The following FRAS1 variants were observed in gnomAD, a reference collection of about 807,000 sequenced individuals.
FRAS1 encodes the protein Fraser extracellular matrix complex subunit 1.
FRAS1 carries 290 observed loss-of-function variants against 435.2 expected under a neutral mutation model. The ratio of observed to expected loss-of-function variants is 0.67; its 90% CI spans 0.61 to 0.73. The LOEUF (loss-of-function observed/expected upper bound fraction) is 0.73. Among genes scored for constraint, FRAS1 ranks in the 30% least tolerant of loss-of-function variants. The pLI is 0.00. For synonymous variants in FRAS1, 1,800 were observed against 1,851.0 expected, an observed-to-expected ratio of 0.97 and a Z score of 0.71; for missense variants, 4,860 against 5,001.5, an observed-to-expected ratio of 0.97 and a Z score of 0.85.
intron 6 of FRAS1, among the ~76,000 whole-genome samples, chr4:78,261,778 T>C (rs2110147554): frequency 6.6e-6 from 1 of 152,310 alleles, no homozygotes; most frequent in African/African-American, 2.4e-5. Flanking sequence ...AAAAAAACAC[T>C]CAGGTTTAAG....
chr4:78,244,767 T>C (rs534460693), intron 3 of FRAS1, among the ~76,000 whole-genome samples: 49 of 152,328 alleles, frequency 3.2e-4, no homozygotes, highest in Non-Finnish European at 6.6e-4. Flanking sequence ...CTCAGAACTT[T>C]GTCCTGCAAC....
At chr4:78,210,026 G>C (rs2110083917) in intron 2 of FRAS1, among the ~76,000 whole-genome samples, 1 of 152,218 alleles carries the variant, frequency 6.6e-6, no homozygotes, top group Non-Finnish European at 1.5e-5. Context: ...AGCCTCTGCT[G>C]AGCTCCTTAC....
chr4:78,345,948 G>A (rs925531285), intron 20 of FRAS1, among the ~76,000 whole-genome samples: 1 of 152,040 alleles, frequency 6.6e-6, no homozygotes, highest in Non-Finnish European at 1.5e-5. Flanking sequence ...AATGAGAGAA[G>A]GACCTTACTT....
In FRAS1 at chr4:78,469,988, C is replaced by G; in HGVS notation, c.7268C>G (p.Ala2423Gly). 6.2e-7 allele frequency: 1 copy of G among 1,613,008 alleles called. No individual in the cohort carries two copies. The highest frequency in any genetic ancestry group is 8.5e-7 in the Non-Finnish European group (1 of 1,179,282). The change falls in exon 51 of 74, where the codon GCA becomes GGA. Residue 2423 changes from alanine to glycine, a missense_variant. By Grantham distance (60) the Ala-to-Gly change is moderately conservative (BLOSUM62 0). Transcript: ENST00000512123. ...IEEGGKEIMT[A>G]APQPFRVDIL... ...TGCCCTCCCCTTCAGATTATGACAG[C>G]AGCACCTCAGCCGTTCCGAGTAGAC...
intron 61 of FRAS1, among the ~76,000 whole-genome samples, chr4:78,500,486 A>C (rs1278933539): frequency 6.6e-6 from 1 of 152,200 alleles, no homozygotes; most frequent in East Asian, 1.9e-4. Context: ...TTTAAGTATT[A>C]ATCTGATGGG....
intron 2 of FRAS1, among the ~76,000 whole-genome samples, chr4:78,082,331 C>T (rs889717730): frequency 6.6e-6 from 1 of 152,000 alleles, no homozygotes; most frequent in Non-Finnish European, 1.5e-5. Context: ...ACTGATCACC[C>T]TATTATACTT....
rs756773992 is a variant in FRAS1 at position 78,511,531 on chromosome 4, A to G, written c.10013+25A>G. The G allele has an allele frequency of 8.5e-6, 13 of 1,520,838 alleles. No individual in the cohort carries two copies. The East Asian group carries it at 3.0e-4, about 35-fold the overall frequency. The allele number at this position is 1,520,838 out of a possible 1,614,324, so 94.2% of individuals were successfully genotyped here. ...GGTCAGGCAGGTGGTGCCTTCCACC[A>G]CACATAGATTGAAGTGAATCTCAGG... On this transcript the variant is annotated intron_variant, in intron 64 of 73. Coordinates refer to ENST00000512123, the MANE Select transcript of FRAS1 (RefSeq NM_025074.7).
chr4:78,474,200 C>T (rs1719796254), intron 53 of FRAS1, among the ~76,000 whole-genome samples: 1 of 152,152 alleles, frequency 6.6e-6, no homozygotes, highest in Non-Finnish European at 1.5e-5. Context: ...TTAATGTGGA[C>T]AGCCCTTTAA....
chr4:78,132,157 G>C (rs879438016), intron 2 of FRAS1, among the ~76,000 whole-genome samples: 65 of 152,046 alleles, frequency 4.3e-4, no homozygotes, highest in Non-Finnish European at 4.6e-4. Flanking sequence ...TTTTTGCCAG[G>C]AACCTGGTTC....
intron 2 of FRAS1, among the ~76,000 whole-genome samples, chr4:78,178,024 G>T (rs1721846985): frequency 1.3e-5 from 2 of 152,140 alleles, no homozygotes; most frequent in African/African-American, 4.8e-5. Flanking sequence ...TGAAATCAAG[G>T]TGTTGTCAAG....
At chr4:78,406,911 G>A (rs545773144) in intron 30 of FRAS1, among the ~76,000 whole-genome samples, 4 of 152,258 alleles carry the variant, frequency 2.6e-5, no homozygotes, top group Middle Eastern at 3.4e-3. Context: ...AACGTTGAAA[G>A]CACTGACATG....
intron 2 of FRAS1, among the ~76,000 whole-genome samples, chr4:78,131,307 A>G (rs1363196814): frequency 2.6e-5 from 4 of 152,206 alleles, no homozygotes; most frequent in Non-Finnish European, 5.9e-5. Context: ...TATTTGATCC[A>G]GGCAGGCACA....
chr4:78,432,387 A>G lies in FRAS1; in HGVS notation c.5000A>G (p.Lys1667Arg). 6.2e-7 allele frequency: 1 copy of G among 1,604,388 alleles called. No homozygotes were observed. Among genetic ancestry groups the G allele is most frequent in the Non-Finnish European group, 8.5e-7 (1 of 1,174,940 alleles). Residue 1667 changes from lysine to arginine, a missense_variant, in exon 38 of 74, where the codon AAA (lysine) becomes AGA (arginine). By Grantham distance (26) the Lys-to-Arg change is conservative. Coordinates refer to ENST00000512123, the MANE Select transcript of FRAS1 (RefSeq NM_025074.7). Reference sequence around the variant, plus strand: ...ACTTTCACCTATGAGGATGTTGAGAAAAATGCTCTACAGTATATACATGAT... The same window carrying G: ...ACTTTCACCTATGAGGATGTTGAGAGAAATGCTCTACAGTATATACATGAT... ...GDTFTYEDVEKNALQYIHDGS... is the reference protein window; with the variant it reads ...GDTFTYEDVERNALQYIHDGS...
intron 2 of FRAS1, among the ~76,000 whole-genome samples, chr4:78,118,873 A>G (rs565742503): frequency 7.5e-4 from 114 of 152,286 alleles, no homozygotes; most frequent in African/African-American, 2.6e-3. Flanking sequence ...CCAGTACCTC[A>G]GTTGGAAATG....
rs71216219 is a variant in FRAS1 at position 78,518,422 on chromosome 4, G to GTA, written c.10390-879_10390-878dup. On this transcript the variant is annotated intron_variant, in intron 66 of 73. Coordinates refer to ENST00000512123, the MANE Select transcript of FRAS1 (RefSeq NM_025074.7). ...GTTTTAAGCTAAGTTTTTTTGTTGT[G>GTA]TATATATATATATATATATATATAT... 4.7e-3 allele frequency among the ~76,000 whole-genome samples: 633 copies of GTA among 135,690 alleles called. 1 individual carries two copies. Among genetic ancestry groups the GTA allele is most frequent in the African/African-American group, 0.015 (496 of 33,034 alleles). The allele number at this position is 135,690 out of a possible 152,430, so 89.0% of individuals were successfully genotyped here.
chr4:78,086,491 A>AT (rs1416080589), intron 2 of FRAS1, among the ~76,000 whole-genome samples: 2 of 152,066 alleles, frequency 1.3e-5, no homozygotes, highest in East Asian at 3.9e-4. Context: ...CCAGGAGCTG[A>AT]TTTTTTGAAA....
intron 41 of FRAS1, among the ~76,000 whole-genome samples, chr4:78,443,140 T>C (rs1238543193): frequency 6.6e-6 from 1 of 152,246 alleles, no homozygotes; most frequent in Admixed American, 6.5e-5. Flanking sequence ...CTTGAGTCCA[T>C]GTATTTGAGA....
chr4:78,181,389 C>T (rs1721992933), intron 2 of FRAS1: 6 of 1,611,920 alleles, frequency 3.7e-6, no homozygotes, highest in South Asian at 1.1e-5. Flanking sequence ...TTGTGAGATC[C>T]GCTACCTCCA....
intron 30 of FRAS1, among the ~76,000 whole-genome samples, chr4:78,404,103 G>A (rs1003157682): frequency 6.6e-6 from 1 of 152,092 alleles, no homozygotes; most frequent in African/African-American, 2.4e-5. Context: ...TAAATAACTT[G>A]AGAATCATTT....
Sources: allele counts gnomAD v4.1 joint callset (sites outside exome capture counted in the v4.1 genomes callset), GRCh38; gene constraint gnomAD v4.1.1; transcripts MANE v1.5; gene names NCBI Gene and HGNC (gene_info 2026-07-23, HGNC 2026-07-21).